Variants in FOXN3 observed in about 807,000 individuals in gnomAD.
FOXN3 encodes the protein forkhead box protein N3.
Under a neutral mutation model 38.4 loss-of-function variants are expected in FOXN3, and 7 were observed. That is an observed-to-expected ratio of 0.18 (90% CI 0.10 to 0.34). FOXN3 has a LOEUF of 0.34. Ranked by LOEUF, FOXN3 falls within the 10% of genes least tolerant of loss-of-function variation. The pLI is 1.00. For missense variants in FOXN3, 456 were observed against 613.4 expected, an observed-to-expected ratio of 0.74 and a Z score of 2.71; for synonymous variants, 230 against 242.2, an observed-to-expected ratio of 0.95 and a Z score of 0.47.
At chr14:89,255,819 T>TCAA (rs1459314283) in intron 4 of FOXN3, among the ~76,000 whole-genome samples, 1 of 152,142 alleles carries the variant, frequency 6.6e-6, no homozygotes, top group African/African-American at 2.4e-5. Flanking sequence ...CATTCATGAC[T>TCAA]GTCCTCAAGA....
intron 4 of FOXN3, among the ~76,000 whole-genome samples, chr14:89,211,284 A>T (rs986854002): frequency 1.3e-5 from 2 of 152,244 alleles, no homozygotes; most frequent in Non-Finnish European, 2.9e-5. Flanking sequence ...TGGCCAAGTT[A>T]TCTTGGTCAT....
At chr14:89,300,215 C>T (rs1887175872) in intron 3 of FOXN3, among the ~76,000 whole-genome samples, 1 of 144,966 alleles carries the variant, frequency 6.9e-6, no homozygotes, top group African/African-American at 2.6e-5. Flanking sequence ...TGGAGCCTCG[C>T]TCTGTCATCC....
Position 89,162,750 on chromosome 14 carries a change from G to A in FOXN3, c.1071C>T (p.Gly357=), listed in dbSNP as rs762081118. The A allele has an allele frequency of 1.9e-6, 3 of 1,607,488 alleles. No homozygotes were observed. Among genetic ancestry groups the A allele is most frequent in the Non-Finnish European group, 2.6e-6 (3 of 1,174,154 alleles). The change falls in exon 6 of 6, where the codon GGC becomes GGT. Residue 357 remains glycine (G), a synonymous_variant. Coordinates refer to ENST00000557258, the MANE Select transcript of FOXN3 (RefSeq NM_005197.4). The surrounding 1 kb of genome is among the most constrained non-coding windows in gnomAD (Gnocchi z 7.2). The stretch of plus-strand genomic sequence containing the variant: ...CGTGGCTCCGGAAGCTCCCCTCGCT[G>A]CCCTCGCTGCCCTCCTGGCTCCCCT... ...ATKGSQEGSE[G]SEGSFRSHES...
intron 2 of FOXN3, among the ~76,000 whole-genome samples, chr14:89,392,559 G>A (rs1890978084): frequency 6.6e-6 from 1 of 151,824 alleles, no homozygotes; most frequent in African/African-American, 2.4e-5. Context: ...GCTGTTCCTA[G>A]GCTTGCAGAG....
chr14:89,566,668 T>G (rs1895357993), intron 1 of FOXN3, among the ~76,000 whole-genome samples: 1 of 152,220 alleles, frequency 6.6e-6, no homozygotes, highest in South Asian at 2.1e-4. Flanking sequence ...ATGAGATTAT[T>G]CTAGACTCAT....
In FOXN3 at chr14:89,569,058, A is replaced by G. The variant is rs550459904; in HGVS notation, c.-15+49970T>C. ...TCTCTACTAAAAATACAAAAATATT[A>G]GCCGGGCGTGGTGGCGGGTGCCTAT... On this transcript the variant is annotated intron_variant, in intron 1 of 6. Transcript: ENST00000345097. Among the ~76,000 whole-genome samples the G allele has an allele frequency of 2.0e-5, 3 of 152,242 alleles. No homozygotes were observed. The East Asian group carries it at 5.8e-4, about 29-fold the overall frequency.
At chr14:89,298,155 G>A (rs1039047137) in intron 3 of FOXN3, among the ~76,000 whole-genome samples, 2 of 152,132 alleles carry the variant, frequency 1.3e-5, no homozygotes, top group African/African-American at 4.8e-5. Context: ...AACCTTGAGG[G>A]CATTATGGTA....
At chr14:89,528,376 C>CT (rs55935162) in intron 1 of FOXN3, among the ~76,000 whole-genome samples, 2,062 of 53,578 alleles carry the variant, frequency 0.038, 374 homozygotes, top group Non-Finnish European at 0.047. Flanking sequence ...ATGGATGAAT[C>CT]TTTTTTTTTT....
upstream of FOXN3, chr14:89,417,743 A>AGGAC: frequency 2.2e-6 from 1 of 455,932 alleles, no homozygotes; most frequent in Non-Finnish European, 4.4e-6. Flanking sequence ...GCGTCCTGAT[A>AGGAC]GGACCCCCAG....
chr14:89,288,700 CTCTCTCTCTCTCTCTCTCTCTCTCTATA>C (rs1886734137), intron 3 of FOXN3, among the ~76,000 whole-genome samples: 5 of 101,318 alleles, frequency 4.9e-5, no homozygotes, highest in African/African-American at 2.5e-4. Flanking sequence ...CTCTCTCTCT[CTCTCTCTCTCTCTCTCTCTCTCTCTATA>C]TATATATATA....
At position 89,172,050 on chromosome 14, in the gene FOXN3, C is replaced by G. The variant is rs535437791; in HGVS notation, c.851+8651G>C. Among the ~76,000 whole-genome samples, 5 of 152,120 alleles carry G rather than the reference C, an allele frequency of 3.3e-5. No homozygotes were observed. The East Asian group carries it at 7.7e-4, about 24-fold the overall frequency. ...AATAATGTGAAATAAATTGCATTTC[C>G]ATATATTAGCAGCAAGTAGAAAATA... On this transcript the variant is annotated intron_variant, in intron 5 of 5. Transcript: ENST00000557258.
intron 2 of FOXN3, among the ~76,000 whole-genome samples, chr14:89,357,593 A>G (rs1286129503): frequency 6.6e-6 from 1 of 151,922 alleles, no homozygotes; most frequent in Non-Finnish European, 1.5e-5. Context: ...GGGAAACAAG[A>G]GTGAAACTCC....
chr14:89,507,099 G>A (rs1220078460), intron 1 of FOXN3, among the ~76,000 whole-genome samples: 2 of 134,294 alleles, frequency 1.5e-5, no homozygotes, highest in Non-Finnish European at 1.6e-5. Flanking sequence ...CCCCCTCTGC[G>A]AGAAACACCC....
chr14:89,284,961 C>T (rs1304171449), intron 3 of FOXN3, among the ~76,000 whole-genome samples: 2 of 152,168 alleles, frequency 1.3e-5, no homozygotes, highest in Non-Finnish European at 2.9e-5. Context: ...ACCTCCAGCT[C>T]CCAAGGGGAT....
At chr14:89,322,572 T>C (rs1314573751) in intron 3 of FOXN3, among the ~76,000 whole-genome samples, 1 of 152,092 alleles carries the variant, frequency 6.6e-6, no homozygotes, top group African/African-American at 2.4e-5. Flanking sequence ...AGCAACATGG[T>C]GGCATAGTCA....
intron 2 of FOXN3, among the ~76,000 whole-genome samples, chr14:89,394,427 G>C (rs1397049111): frequency 6.6e-6 from 1 of 151,824 alleles, no homozygotes; most frequent in Non-Finnish European, 1.5e-5. Flanking sequence ...GGCTGGTCTC[G>C]AACTCCTGAC....
intron 4 of FOXN3, among the ~76,000 whole-genome samples, chr14:89,225,933 T>C (rs137978312): frequency 3.0e-4 from 46 of 152,336 alleles, no homozygotes; most frequent in African/African-American, 9.6e-4. Context: ...CTCCATTCTC[T>C]ACCCATCTTA....
chr14:89,241,114 G>A (rs1885128009), intron 4 of FOXN3, among the ~76,000 whole-genome samples: 1 of 152,138 alleles, frequency 6.6e-6, no homozygotes, highest in South Asian at 2.1e-4. Flanking sequence ...CATCCTCTGA[G>A]TGACATGTAG....
intron 3 of FOXN3, among the ~76,000 whole-genome samples, chr14:89,308,882 G>A (rs1480021843): frequency 6.6e-6 from 1 of 152,158 alleles, no homozygotes; most frequent in Non-Finnish European, 1.5e-5. Flanking sequence ...GGTTCCTGCA[G>A]AGGCTAATGG....
Sources: gnomAD v4.1 joint callset for allele counts (sites outside exome capture counted in the v4.1 genomes callset) on GRCh38, gnomAD v4.1.1 for gene constraint, Gnocchi (gnomAD v3.1) non-coding constraint, MANE v1.5 for transcripts, NCBI Gene and HGNC (gene_info 2026-07-23, HGNC 2026-07-21) for gene names.